The following COPG1 variants were observed in gnomAD, a reference collection of about 807,000 sequenced individuals.
COPG1 encodes coat protein complex I subunit gamma 1.
In COPG1, 29 loss-of-function variants were observed where a neutral mutation model predicts 102.8. The observed-to-expected ratio is 0.28, with a 90% CI of 0.21 to 0.38. COPG1 has a LOEUF of 0.38. COPG1 is among the 10% of genes least tolerant of loss of function. COPG1 has a pLI of 1.00. For missense variants in COPG1, 875 were observed against 1,132.7 expected (o/e 0.77, Z 3.27); for synonymous variants, 406 against 421.6 (o/e 0.96, Z 0.45).
chr3:129,269,969 G>T (rs571330774), intron 18 of COPG1, among the ~76,000 whole-genome samples: 1 of 149,540 alleles, frequency 6.7e-6, no homozygotes, highest in Non-Finnish European at 1.5e-5. Context: ...TCCTTGGCTC[G>T]TGGCCCCTTC....
At chr3:129,263,588 C>T (rs569892155) in intron 12 of COPG1, among the ~76,000 whole-genome samples, 5 of 151,990 alleles carry the variant, frequency 3.3e-5, no homozygotes, top group Non-Finnish European at 5.9e-5. Context: ...TCAGTGGGAG[C>T]CAGTGGTAGG....
At position 129,271,391 on chromosome 3, in the gene COPG1, T is replaced by C. The variant is rs1204611485; in HGVS notation, c.1844-376T>C. On this transcript the variant is annotated intron_variant, in intron 18 of 23. Coordinates refer to ENST00000314797, the MANE Select transcript of COPG1 (RefSeq NM_016128.4). The surrounding 1 kb of genome is among the most constrained non-coding windows in gnomAD (Gnocchi z 4.7). The stretch of plus-strand genomic sequence containing the variant: ...AGCTATAGCAGTATCGATCTTATTT[T>C]CCTAATTGTCACCTTCTTTTAAGAA... Among the ~76,000 whole-genome samples, 1 of 152,232 alleles carries C rather than the reference T, an allele frequency of 6.6e-6. No individual in the cohort carries two copies. The highest frequency in any genetic ancestry group is 6.5e-5 in the Admixed American group (1 of 15,284).
At chr3:129,253,091 G>A in intron 5 of COPG1, 136 bp downstream of exon 5, 1 of 674,480 alleles carries the variant, frequency 1.5e-6, no homozygotes, top group Non-Finnish European at 2.6e-6. Context: ...TGTTACCACT[G>A]CCCACCCCAT....
At chr3:129,253,222 C>T in intron 5 of COPG1, 2 of 401,022 alleles carry the variant, frequency 5.0e-6, no homozygotes, top group South Asian at 5.4e-5. Flanking sequence ...CAAAGACTTT[C>T]TTGAGTATAA....
intron 12 of COPG1, among the ~76,000 whole-genome samples, chr3:129,262,428 AT>A (rs1939943177): frequency 6.6e-6 from 1 of 151,406 alleles, no homozygotes; most frequent in Admixed American, 6.6e-5. Context: ...AATTTTTTGT[AT>A]TTTTTAGTAG....
At position 129,271,953 on chromosome 3, in the gene COPG1, G is replaced by A. The variant is rs1419704084; in HGVS notation, c.1986+44G>A. Reference sequence around the variant, plus strand: ...GGCCCTGCTGGGGCATGCGCCCAGGGAGTTGTCCCAGGTCTGGCAGGTCCT... The same window carrying A: ...GGCCCTGCTGGGGCATGCGCCCAGGAAGTTGTCCCAGGTCTGGCAGGTCCT... On this transcript the variant is annotated intron_variant, in intron 19 of 23. Coordinates refer to ENST00000314797, the MANE Select transcript of COPG1 (RefSeq NM_016128.4). This position sits in a 1 kb window ranked among gnomAD's most constrained non-coding sequence, Gnocchi z 4.7. The A allele has an allele frequency of 1.2e-6, 2 of 1,603,892 alleles. No individual in the cohort carries two copies. Among genetic ancestry groups the A allele is most frequent in the African/African-American group, 1.3e-5 (1 of 74,896 alleles).
intron 14 of COPG1, among the ~76,000 whole-genome samples, chr3:129,266,455 T>C (rs1940062735): frequency 6.6e-6 from 1 of 152,234 alleles, no homozygotes; most frequent in African/African-American, 2.4e-5. Flanking sequence ...TTTCACTGTA[T>C]GTTGATGTTT....
At chr3:129,253,279 G>A (rs1939737317) in intron 5 of COPG1, among the ~76,000 whole-genome samples, 1 of 152,196 alleles carries the variant, frequency 6.6e-6, no homozygotes, top group South Asian at 2.1e-4. Flanking sequence ...GCGGTATACT[G>A]CTTACTAAGT....
In COPG1 at chr3:129,271,591, G is replaced by A. The variant is rs1940182541; in HGVS notation, c.1844-176G>A. The stretch of plus-strand genomic sequence containing the variant: ...TGTGCCACATGAGCGAAGTCAGGGA[G>A]ATGAGAAAATGCATGGATATATTCA... On this transcript the variant is annotated intron_variant, in intron 18 of 23. Transcript: ENST00000314797. The surrounding 1 kb of genome is among the most constrained non-coding windows in gnomAD (Gnocchi z 4.7). Among the ~76,000 whole-genome samples, 1 of 152,190 alleles carries A rather than the reference G, an allele frequency of 6.6e-6. No individual in the cohort carries two copies. Among genetic ancestry groups the A allele is most frequent in the African/African-American group, 2.4e-5 (1 of 41,444 alleles).
intron 7 of COPG1, 72 bp from the exon 8 acceptor site, chr3:129,255,996 A>G (rs1336864907): frequency 1.3e-5 from 17 of 1,359,164 alleles, no homozygotes; most frequent in Non-Finnish European, 1.8e-5. Context: ...CTGAGGGAAG[A>G]CCAGAACTGG....
In COPG1 at chr3:129,277,619, TTA is replaced by T; in HGVS notation, c.*196_*197del. On this transcript the variant is annotated 3_prime_UTR_variant, in exon 24 of 24. Transcript: ENST00000314797. ...CTGGTGACTTTTTTTTTTTTTTTTTTTAAATAGGGGATGATTTTAGCTTGTCC... is the reference window on the plus strand; with the variant it reads ...CTGGTGACTTTTTTTTTTTTTTTTTTAATAGGGGATGATTTTAGCTTGTCC... The T allele has an allele frequency of 1.2e-5, 6 of 518,088 alleles. No homozygotes were observed. Among genetic ancestry groups the T allele is most frequent in the Non-Finnish European group, 1.7e-5 (5 of 290,950 alleles). The allele number at this position is 518,088 out of a possible 1,614,324, so 32.1% of individuals were successfully genotyped here.
chr3:129,250,688 G>C lies in COPG1; in HGVS notation c.44G>C (p.Gly15Ala). ...CCATTGTCCTTGACCGTAGGTGGAGGCTCCAACCCATTCCAGCACCTTGAG... is the reference window on the plus strand; with the variant it reads ...CCATTGTCCTTGACCGTAGGTGGAGCCTCCAACCCATTCCAGCACCTTGAG... ...FDKKDEESGG[G>A]SNPFQHLEKS... Residue 15 changes from glycine to alanine, a missense_variant, in exon 2 of 24, where the codon GGC becomes GCC. Coordinates refer to ENST00000314797, the MANE Select transcript of COPG1 (RefSeq NM_016128.4). 1 of 1,613,952 alleles carries C rather than the reference G, an allele frequency of 6.2e-7. No homozygotes were observed. The highest frequency in any genetic ancestry group is 8.5e-7 in the Non-Finnish European group (1 of 1,179,902).
chr3:129,272,668 G>T, intron 20 of COPG1, 139 bp from the exon 21 acceptor site: 1 of 627,900 alleles, frequency 1.6e-6, no homozygotes, highest in East Asian at 2.8e-5. Context: ...TGTGGGATTG[G>T]ATGGCTTGTT....
intron 21 of COPG1, among the ~76,000 whole-genome samples, chr3:129,274,361 T>C (rs1940230256): frequency 6.6e-6 from 1 of 151,928 alleles, no homozygotes; most frequent in Non-Finnish European, 1.5e-5. Context: ...GAAATGGAGA[T>C]AGAGATTCAG....
chr3:129,265,659 C>T lies in COPG1; in HGVS notation c.1335C>T (p.Asp445=), dbSNP rs746477629. ...GLSHLCEFIE[D]CEFTVLATRI... ...CACATCTGTGCGAGTTCATCGAGGA[C>T]TGCGAGTTCACAGTGCTGGCCACCC... Residue 445 remains aspartate (D), a synonymous_variant, in exon 14 of 24, where the codon GAC becomes GAT. Coordinates refer to ENST00000314797, the MANE Select transcript of COPG1 (RefSeq NM_016128.4). The T allele has an allele frequency of 3.6e-5, 58 of 1,614,074 alleles. No individual in the cohort carries two copies. In the Admixed American group the frequency reaches 9.2e-4, roughly 26 times the overall value.
chr3:129,272,446 T>G (rs762587867), intron 20 of COPG1, 31 bp downstream of exon 20: 12 of 1,583,746 alleles, frequency 7.6e-6, no homozygotes, highest in Non-Finnish European at 9.5e-6. Context: ...CACCCTATCC[T>G]CCTGGGAGCT....
Position 129,277,547 on chromosome 3 carries a change from G to A in COPG1, c.*123G>A, listed in dbSNP as rs1340032199. On this transcript the variant is annotated 3_prime_UTR_variant, in exon 24 of 24. Transcript: ENST00000314797. ...TATTGAAAAACAATTAGGAATCATT[G>A]CAGATTTTTTTTTATTCTGCTCCCA... 1 of 1,080,700 alleles carries A rather than the reference G, an allele frequency of 9.3e-7. No homozygotes were observed. The highest frequency in any genetic ancestry group is 1.3e-6 in the Non-Finnish European group (1 of 775,224). The allele number at this position is 1,080,700 out of a possible 1,614,324, so 66.9% of individuals were successfully genotyped here.
chr3:129,259,130 G>T (rs1939871920), intron 10 of COPG1, among the ~76,000 whole-genome samples: 1 of 152,156 alleles, frequency 6.6e-6, no homozygotes, highest in African/African-American at 2.4e-5. Context: ...TGGAGTTCAT[G>T]TTTGGAGAGA....
At chr3:129,276,301 C>G (rs1162269222) in intron 23 of COPG1, among the ~76,000 whole-genome samples, 2 of 152,136 alleles carry the variant, frequency 1.3e-5, no homozygotes, top group Non-Finnish European at 2.9e-5. Flanking sequence ...TATCCTTTGT[C>G]TTATTTTCTA....
Sources: gnomAD v4.1 joint callset for allele counts (sites outside exome capture counted in the v4.1 genomes callset) on GRCh38, gnomAD v4.1.1 for gene constraint, Gnocchi (gnomAD v3.1) non-coding constraint, MANE v1.5 for transcripts, NCBI Gene and HGNC (gene_info 2026-07-23, HGNC 2026-07-21) for gene names.